Variants in FGF14 observed in about 807,000 individuals in gnomAD.
FGF14 encodes the protein fibroblast growth factor 14.
Under a neutral mutation model 25.5 loss-of-function variants are expected in FGF14, and 5 were observed. The observed-to-expected ratio is 0.20, with a 90% CI of 0.10 to 0.41. FGF14 has a LOEUF of 0.41. Ranked by LOEUF, FGF14 falls within the 10% of genes least tolerant of loss-of-function variation. The pLI, the probability that FGF14 is intolerant of heterozygous loss-of-function variation, is 1.00. For missense variants in FGF14, 222 were observed against 320.1 expected, an observed-to-expected ratio of 0.69 and a Z score of 2.34; for synonymous variants, 138 against 118.3, an observed-to-expected ratio of 1.17 and a Z score of -1.08.
intron 1 of FGF14, among the ~76,000 whole-genome samples, chr13:102,082,514 T>C (rs1449456021): frequency 6.6e-6 from 1 of 152,130 alleles, no homozygotes; most frequent in African/African-American, 2.4e-5. Context: ...GTGACTTAAA[T>C]GATGTGTTCT....
At chr13:102,017,517 T>C (rs1369867361) in intron 1 of FGF14, among the ~76,000 whole-genome samples, 2 of 152,188 alleles carry the variant, frequency 1.3e-5, no homozygotes, top group Non-Finnish European at 2.9e-5. Flanking sequence ...ATTATTTCTC[T>C]TCTCTCTATA....
intron 1 of FGF14, among the ~76,000 whole-genome samples, chr13:102,325,352 A>G (rs979846215): frequency 6.6e-6 from 1 of 152,150 alleles, no homozygotes; most frequent in Non-Finnish European, 1.5e-5. Flanking sequence ...TTCTCTTTTT[A>G]TTAAGAAAAA....
intron 1 of FGF14, among the ~76,000 whole-genome samples, chr13:102,018,035 C>T (rs932964154): frequency 3.9e-5 from 6 of 152,112 alleles, no homozygotes; most frequent in African/African-American, 1.4e-4. Context: ...TATGTTAAGT[C>T]TGCTTCTTTG....
intron 1 of FGF14, among the ~76,000 whole-genome samples, chr13:102,325,483 A>G (rs1204039791): frequency 1.3e-5 from 2 of 152,088 alleles, no homozygotes; most frequent in Admixed American, 1.3e-4. Context: ...CCACTCAGCC[A>G]TTGTGGGCAC....
At chr13:101,829,008 G>A (rs1400194989) in intron 3 of FGF14, among the ~76,000 whole-genome samples, 1 of 152,000 alleles carries the variant, frequency 6.6e-6, no homozygotes, top group Admixed American at 6.6e-5. Context: ...TCTGCCCCTC[G>A]GGGTCTGTAA....
At chr13:101,850,497 TATATATA>T (rs2043744684) in intron 3 of FGF14, among the ~76,000 whole-genome samples, 2 of 3,644 alleles carry the variant, frequency 5.5e-4, no homozygotes, top group African/African-American at 8.2e-4. Context: ...TATATATATA[TATATATA>T]TATATATATA....
At chr13:102,119,042 T>A (rs1367189430) in intron 1 of FGF14, among the ~76,000 whole-genome samples, 1 of 152,170 alleles carries the variant, frequency 6.6e-6, no homozygotes, top group African/African-American at 2.4e-5. Context: ...CATCACTGGA[T>A]GCTAGGATCT....
chr13:101,785,900 A>G (rs4142816), intron 3 of FGF14, among the ~76,000 whole-genome samples: 60,491 of 151,962 alleles, frequency 0.4, 12,661 homozygotes, highest in East Asian at 0.82. Flanking sequence ...TAGGACATAG[A>G]GTGATCACTG....
intron 1 of FGF14, among the ~76,000 whole-genome samples, chr13:102,317,548 A>G (rs1395970481): frequency 1.3e-5 from 2 of 152,114 alleles, no homozygotes; most frequent in South Asian, 2.1e-4. Context: ...ATGAATTTTT[A>G]CTCTATAGCT....
intron 1 of FGF14, among the ~76,000 whole-genome samples, chr13:102,246,277 A>G (rs2051863426): frequency 6.6e-6 from 1 of 152,104 alleles, no homozygotes. Flanking sequence ...CAACGTTGTT[A>G]CACCCCTTGG....
At chr13:102,017,936 C>A (rs1426407728) in intron 1 of FGF14, among the ~76,000 whole-genome samples, 2 of 152,056 alleles carry the variant, frequency 1.3e-5, no homozygotes, top group Non-Finnish European at 2.9e-5. Flanking sequence ...TCCAACACTC[C>A]TGGATGGGAA....
At chr13:102,206,243 T>C (rs997044133) in intron 1 of FGF14, among the ~76,000 whole-genome samples, 1 of 151,990 alleles carries the variant, frequency 6.6e-6, no homozygotes, top group South Asian at 2.1e-4. Context: ...GGAATACAGA[T>C]GCAGTGAATT....
At chr13:101,797,030 A>C (rs2040567530) in intron 3 of FGF14, among the ~76,000 whole-genome samples, 1 of 152,080 alleles carries the variant, frequency 6.6e-6, no homozygotes, top group Non-Finnish European at 1.5e-5. Flanking sequence ...CCCAGCACCC[A>C]ACTCCACTGC....
intron 3 of FGF14, among the ~76,000 whole-genome samples, chr13:101,835,283 T>C (rs566858089): frequency 7.3e-5 from 11 of 151,176 alleles, no homozygotes; most frequent in African/African-American, 9.7e-5. Context: ...AAGAGAGAGA[T>C]TGATTTATAT....
chr13:102,129,702 G>C (rs1361539347), intron 1 of FGF14, among the ~76,000 whole-genome samples: 4 of 152,062 alleles, frequency 2.6e-5, no homozygotes, highest in South Asian at 2.1e-4. Flanking sequence ...TGGGGGTAGG[G>C]GGGAGGGATA....
intron 3 of FGF14, among the ~76,000 whole-genome samples, chr13:101,752,416 A>G (rs1220824201): frequency 2.0e-5 from 3 of 152,234 alleles, no homozygotes; most frequent in African/African-American, 7.2e-5. Context: ...ATAAAATACA[A>G]AAGAACAGTA....
chr13:102,307,088 T>C (rs1038549044), intron 1 of FGF14, among the ~76,000 whole-genome samples: 1 of 152,050 alleles, frequency 6.6e-6, no homozygotes, highest in Admixed American at 6.6e-5. Context: ...GTCAAAGAGA[T>C]GGCAGCGTGA....
At chr13:102,086,568 C>A (rs2043918577) in intron 1 of FGF14, among the ~76,000 whole-genome samples, 1 of 152,086 alleles carries the variant, frequency 6.6e-6, no homozygotes, top group South Asian at 2.1e-4. Context: ...TTTATCAAAG[C>A]CTTTCATTTT....
Position 102,162,623 on chromosome 13 carries a change from A to G in FGF14, c.208+238848T>C, listed in dbSNP as rs547316181. 1.1e-4 allele frequency among the ~76,000 whole-genome samples: 17 copies of G among 152,342 alleles called. No individual in the cohort carries two copies. The South Asian group carries it at 2.3e-3, about 20-fold the overall frequency. The stretch of plus-strand genomic sequence containing the variant: ...AGGCAGACGTCCTGATCTTAAAAAT[A>G]TAACACAGTTTATGGAATGCTTCAA... On this transcript the variant is annotated intron_variant, in intron 1 of 4. Transcript: ENST00000376131.
Sources: allele counts gnomAD v4.1 joint callset (sites outside exome capture counted in the v4.1 genomes callset), GRCh38; gene constraint gnomAD v4.1.1; transcripts MANE v1.5; gene names NCBI Gene and HGNC (gene_info 2026-07-23, HGNC 2026-07-21).